The following CNTNAP2 variants were observed in gnomAD, a reference collection of about 807,000 sequenced individuals.
CNTNAP2 encodes the protein contactin-associated protein-like 2.
In CNTNAP2, 98 loss-of-function variants were observed where a neutral mutation model predicts 155.2. The observed-to-expected ratio is 0.63, with a 90% CI of 0.54 to 0.75. The LOEUF (loss-of-function observed/expected upper bound fraction) is 0.75, where lower values mean the gene tolerates loss of function less well. CNTNAP2 is among the 30% of genes least tolerant of loss of function. CNTNAP2 has a pLI of 0.00. For missense variants in CNTNAP2, 1,727 were observed against 1,688.1 expected (o/e 1.02, Z -0.40); for synonymous variants, 651 against 631.2 (o/e 1.03, Z -0.47).
intron 3 of CNTNAP2, among the ~76,000 whole-genome samples, chr7:146,881,083 T>C (rs1360308460): frequency 3.9e-5 from 6 of 152,140 alleles, no homozygotes; most frequent in Admixed American, 6.6e-5. Flanking sequence ...GGAAAGTCTT[T>C]TAAAAATCCT....
intron 1 of CNTNAP2, among the ~76,000 whole-genome samples, chr7:146,355,231 A>G (rs1794980811): frequency 6.6e-6 from 1 of 152,226 alleles, no homozygotes; most frequent in South Asian, 2.1e-4. Flanking sequence ...ATGATAATTT[A>G]CATATCAAAA....
At chr7:146,366,176 G>T (rs917795968) in intron 1 of CNTNAP2, among the ~76,000 whole-genome samples, 9 of 152,030 alleles carry the variant, frequency 5.9e-5, no homozygotes, top group African/African-American at 2.2e-4. Context: ...AAGTGATAAT[G>T]TGTTTTCTAC....
At chr7:147,990,545 A>G (rs1381821039) in intron 15 of CNTNAP2, among the ~76,000 whole-genome samples, 1 of 151,208 alleles carries the variant, frequency 6.6e-6, no homozygotes, top group Non-Finnish European at 1.5e-5. Context: ...AGGGGAGATT[A>G]TCTTGGGGCT....
chr7:147,825,062 C>A (rs1798425691), intron 13 of CNTNAP2, among the ~76,000 whole-genome samples: 1 of 152,098 alleles, frequency 6.6e-6, no homozygotes, highest in Non-Finnish European at 1.5e-5. Flanking sequence ...TAAATAGAGT[C>A]TAAGATTTTA....
chr7:146,986,999 T>C (rs1798125005), intron 3 of CNTNAP2, among the ~76,000 whole-genome samples: 1 of 152,156 alleles, frequency 6.6e-6, no homozygotes. Context: ...CTGAAGAACC[T>C]GCAGAGAACC....
At chr7:146,378,650 C>T (rs368623743) in intron 1 of CNTNAP2, among the ~76,000 whole-genome samples, 25 of 152,160 alleles carry the variant, frequency 1.6e-4, no homozygotes, top group Middle Eastern at 6.8e-3. Context: ...CAAGGCAATC[C>T]GAGTCCATAC....
intron 1 of CNTNAP2, among the ~76,000 whole-genome samples, chr7:146,381,111 A>G (rs2129104944): frequency 6.6e-6 from 1 of 151,980 alleles, no homozygotes; most frequent in East Asian, 1.9e-4. Context: ...ACGTTCTTAT[A>G]TACTCACCTC....
At chr7:147,161,993 G>A (rs972998178) in intron 8 of CNTNAP2, 1 of 151,990 alleles carries the variant, frequency 6.6e-6, no homozygotes, top group Non-Finnish European at 1.5e-5. Context: ...ATGCTACCAA[G>A]GCCTATGCTA....
intron 5 of CNTNAP2, among the ~76,000 whole-genome samples, chr7:147,117,700 G>C (rs1420975079): frequency 6.6e-6 from 1 of 152,018 alleles, no homozygotes; most frequent in Admixed American, 6.6e-5. Flanking sequence ...AATATGACTT[G>C]TATCTCATAT....
rs115258465 is a variant in CNTNAP2 at position 147,593,002 on chromosome 7, A to G, written c.1897+30745A>G. Reference sequence around the variant, plus strand: ...GACTTGAAAAACAAGATTAAACCTTACTCAAAACATTATTTCCATTAAAAT... The same window carrying G: ...GACTTGAAAAACAAGATTAAACCTTGCTCAAAACATTATTTCCATTAAAAT... On this transcript the variant is annotated intron_variant, in intron 12 of 23. Transcript: ENST00000361727. Among the ~76,000 whole-genome samples the G allele has an allele frequency of 6.4e-3, 981 of 152,296 alleles. 10 individuals carry two copies. The highest frequency in any genetic ancestry group is 0.023 in the African/African-American group (939 of 41,564).
intron 3 of CNTNAP2, among the ~76,000 whole-genome samples, chr7:146,928,012 A>T (rs995849028): frequency 6.0e-5 from 9 of 151,160 alleles, no homozygotes; most frequent in Middle Eastern, 3.5e-3. Flanking sequence ...AATTTTCCTT[A>T]TAAAATATCC....
Position 148,205,967 on chromosome 7 carries a change from G to A in CNTNAP2, c.3011-11321G>A, listed in dbSNP as rs577692909. Among the ~76,000 whole-genome samples, 498 of 151,484 alleles carry A rather than the reference G, an allele frequency of 3.3e-3. 2 individuals are homozygous for A. The highest frequency in any genetic ancestry group is 0.011 in the African/African-American group (454 of 41,256). On this transcript the variant is annotated intron_variant, in intron 18 of 23. Coordinates refer to ENST00000361727, the MANE Select transcript of CNTNAP2 (RefSeq NM_014141.6). The stretch of plus-strand genomic sequence containing the variant: ...TTCCCTTCTCTTCCTGGTAAGGCAC[G>A]CTTATTTGCAAAAGACTTTCTACAT...
At chr7:148,078,524 A>G (rs998008384) in intron 15 of CNTNAP2, among the ~76,000 whole-genome samples, 1 of 152,110 alleles carries the variant, frequency 6.6e-6, no homozygotes, top group African/African-American at 2.4e-5. Context: ...TTTGTTGCCC[A>G]GGCTGGAGTG....
chr7:147,621,849 A>G (rs1274931673), intron 12 of CNTNAP2, among the ~76,000 whole-genome samples: 2 of 152,040 alleles, frequency 1.3e-5, no homozygotes, highest in Admixed American at 6.6e-5. Context: ...TGAATAGATG[A>G]AAAAGAAAAA....
At chr7:147,188,084 G>A (rs553957465) in intron 8 of CNTNAP2, among the ~76,000 whole-genome samples, 121 of 152,052 alleles carry the variant, frequency 8.0e-4, no homozygotes, top group African/African-American at 2.1e-3. Flanking sequence ...AATAAAATGA[G>A]AGAAAAAAGA....
intron 1 of CNTNAP2, among the ~76,000 whole-genome samples, chr7:146,387,813 C>A (rs1248119242): frequency 6.6e-6 from 1 of 152,042 alleles, no homozygotes; most frequent in Non-Finnish European, 1.5e-5. Flanking sequence ...AGGGTGCACC[C>A]AGGAGACAAA....
At chr7:148,141,444 G>A (rs1460168466) in intron 16 of CNTNAP2, among the ~76,000 whole-genome samples, 1 of 152,222 alleles carries the variant, frequency 6.6e-6, no homozygotes, top group Non-Finnish European at 1.5e-5. Flanking sequence ...AATACAAGAT[G>A]GAACTCCATC....
Position 146,267,420 on chromosome 7 carries a change from C to T in CNTNAP2, c.97+150447C>T, listed in dbSNP as rs79423262. On this transcript the variant is annotated intron_variant, in intron 1 of 23. Coordinates refer to ENST00000361727, the MANE Select transcript of CNTNAP2 (RefSeq NM_014141.6). ...GCTATAGGTGCTAATTGAAGGAGAA[C>T]TTTAGATCCTAGATATTATAAAAAA... Among the ~76,000 whole-genome samples the T allele has an allele frequency of 4.5e-4, 69 of 152,164 alleles. No individual in the cohort carries two copies. The East Asian group carries it at 0.012, about 26-fold the overall frequency.
chr7:148,248,227 C>A (rs1344736016), intron 20 of CNTNAP2, among the ~76,000 whole-genome samples: 1 of 151,252 alleles, frequency 6.6e-6, no homozygotes, highest in African/African-American at 2.4e-5. Flanking sequence ...GAGACAGAGT[C>A]CCGCCCTGTC....
Sources: gnomAD v4.1 joint callset for allele counts (sites outside exome capture counted in the v4.1 genomes callset) on GRCh38, gnomAD v4.1.1 for gene constraint, MANE v1.5 for transcripts, NCBI Gene and HGNC (gene_info 2026-07-23, HGNC 2026-07-21) for gene names.